HTR1F: variants seen among roughly 807,000 people sequenced by gnomAD.
HTR1F encodes 5-hydroxytryptamine receptor 1F, also known as 5-hydroxytryptamine (serotonin) receptor 1F, G protein-coupled.
A neutral mutation model predicts 24.0 loss-of-function variants in HTR1F; 17 were observed. The observed-to-expected ratio is 0.71, with a 90% CI of 0.48 to 1.06. HTR1F has a LOEUF of 1.06. Ranked by LOEUF, HTR1F falls within the 50% of genes least tolerant of loss-of-function variation. The pLI, the probability that HTR1F is intolerant of heterozygous loss-of-function variation, is 0.00. For missense variants in HTR1F, 391 were observed against 427.8 expected (o/e 0.91, Z 0.76); for synonymous variants, 186 against 156.8 (o/e 1.19, Z -1.39).
rs55918511 is a variant in HTR1F at position 87,931,793 on chromosome 3, G to T, written c.-42-58915G>T. Among the ~76,000 whole-genome samples the T allele has an allele frequency of 4.2e-3, 626 of 149,178 alleles. 2 individuals are homozygous for T. The highest frequency in any genetic ancestry group is 0.015 in the African/African-American group (598 of 39,762). ...TGGTTTTGATTTGCATTTCTCTGATGGCCAGTGATGGTGAGCATTTCTTCA... is the reference window on the plus strand; with the variant it reads ...TGGTTTTGATTTGCATTTCTCTGATTGCCAGTGATGGTGAGCATTTCTTCA... On this transcript the variant is annotated intron_variant, in intron 2 of 2. Coordinates refer to ENST00000319595, the MANE Select transcript of HTR1F (RefSeq NM_001322209.2).
chr3:87,836,900 C>A (rs967476616), intron 2 of HTR1F, among the ~76,000 whole-genome samples: 1 of 144,964 alleles, frequency 6.9e-6, no homozygotes, highest in Non-Finnish European at 1.5e-5. Context: ...TTAATTATAA[C>A]TTTTATCTTT....
intron 2 of HTR1F, among the ~76,000 whole-genome samples, chr3:87,863,720 T>G (rs1705365911): frequency 6.6e-6 from 1 of 152,200 alleles, no homozygotes; most frequent in South Asian, 2.1e-4. Context: ...CCAAGGCCAC[T>G]TCTACACTTT....
chr3:87,885,764 C>T (rs892695237), intron 2 of HTR1F, among the ~76,000 whole-genome samples: 5 of 152,190 alleles, frequency 3.3e-5, no homozygotes, highest in African/African-American at 9.7e-5. Context: ...TTCCTGGACA[C>T]ATACACCCTC....
chr3:87,900,864 C>T lies in HTR1F; in HGVS notation c.-43+78740C>T, dbSNP rs187803256. Among the ~76,000 whole-genome samples the T allele has an allele frequency of 2.6e-5, 4 of 152,108 alleles. No individual in the cohort carries two copies. The East Asian group carries it at 5.8e-4, about 22-fold the overall frequency. ...TTTTGGACATGTTACATTTGAGATG[C>T]GTATTAGACATCCATGCAGAAATTT... On this transcript the variant is annotated intron_variant, in intron 2 of 2. Coordinates refer to ENST00000319595, the MANE Select transcript of HTR1F (RefSeq NM_001322209.2).
At chr3:87,974,176 C>T (rs1333973476) in intron 2 of HTR1F, among the ~76,000 whole-genome samples, 3 of 152,192 alleles carry the variant, frequency 2.0e-5, no homozygotes, top group African/African-American at 7.2e-5. Context: ...TCATTGTTGC[C>T]AACGGGCAAC....
chr3:87,905,338 A>C (rs908679878), intron 2 of HTR1F, among the ~76,000 whole-genome samples: 1 of 151,954 alleles, frequency 6.6e-6, no homozygotes, highest in Non-Finnish European at 1.5e-5. Context: ...GTTTGTGTAA[A>C]AAAAAAACAC....
At chr3:87,833,711 C>T (rs956531220) in intron 2 of HTR1F, among the ~76,000 whole-genome samples, 1 of 152,104 alleles carries the variant, frequency 6.6e-6, no homozygotes, top group Non-Finnish European at 1.5e-5. Flanking sequence ...GTCTCAAACT[C>T]CTGGCCTCAA....
intron 2 of HTR1F, among the ~76,000 whole-genome samples, chr3:87,925,831 G>A (rs1704112782): frequency 6.6e-6 from 1 of 152,110 alleles, no homozygotes; most frequent in East Asian, 1.9e-4. Context: ...ATCTTGGCTT[G>A]GTGCTTTACT....
chr3:87,859,330 T>C (rs533638421), intron 2 of HTR1F, among the ~76,000 whole-genome samples: 14 of 152,340 alleles, frequency 9.2e-5, no homozygotes, highest in African/African-American at 3.4e-4. Context: ...TACTACTAAA[T>C]TGTCCTGACT....
In HTR1F at chr3:87,813,405, T is replaced by A. The variant is rs146459121; in HGVS notation, c.-159-8603T>A. On this transcript the variant is annotated intron_variant, in intron 1 of 2. Coordinates refer to ENST00000319595, the MANE Select transcript of HTR1F (RefSeq NM_001322209.2). The stretch of plus-strand genomic sequence containing the variant: ...TGGGAGCATTTATCCAATGCCTGTA[T>A]CCCCATTATATCTTGAAAGTAACTA... 3.9e-3 allele frequency among the ~76,000 whole-genome samples: 587 copies of A among 152,346 alleles called. 6 individuals carry two copies. The highest frequency in any genetic ancestry group is 0.014 in the African/African-American group (565 of 41,576).
chr3:87,840,942 G>A (rs746183435), intron 2 of HTR1F, among the ~76,000 whole-genome samples: 9 of 151,850 alleles, frequency 5.9e-5, no homozygotes, highest in African/African-American at 9.7e-5. Context: ...GAGTGTGGAC[G>A]GGAAAAGGGG....
At chr3:87,812,650 T>C (rs1253707263) in intron 1 of HTR1F, among the ~76,000 whole-genome samples, 1 of 152,096 alleles carries the variant, frequency 6.6e-6, no homozygotes, top group Non-Finnish European at 1.5e-5. Context: ...ATGGGGAAAA[T>C]ATCTCCATGT....
chr3:87,956,478 A>G (rs1363149132), intron 2 of HTR1F, among the ~76,000 whole-genome samples: 1 of 151,510 alleles, frequency 6.6e-6, no homozygotes, highest in Admixed American at 6.6e-5. Context: ...TTCTTAAAAT[A>G]TGTTTACCTT....
chr3:87,892,838 T>C (rs1480619243), intron 2 of HTR1F, among the ~76,000 whole-genome samples: 1 of 152,156 alleles, frequency 6.6e-6, no homozygotes, highest in African/African-American at 2.4e-5. Flanking sequence ...AATATTTGTA[T>C]GATGTAGCTA....
intron 2 of HTR1F, among the ~76,000 whole-genome samples, chr3:87,979,922 G>A (rs554070799): frequency 1.3e-5 from 2 of 152,322 alleles, no homozygotes; most frequent in South Asian, 2.1e-4. Context: ...GAATGCAGTA[G>A]CACCTGGAAG....
intron 2 of HTR1F, among the ~76,000 whole-genome samples, chr3:87,901,361 C>G (rs184871138): frequency 6.6e-6 from 1 of 152,102 alleles, no homozygotes; most frequent in Admixed American, 6.6e-5. Context: ...GACACCAACA[C>G]AGAGAAGAAA....
intron 2 of HTR1F, among the ~76,000 whole-genome samples, chr3:87,849,137 C>T (rs537079692): frequency 6.6e-6 from 1 of 151,562 alleles, no homozygotes; most frequent in Non-Finnish European, 1.5e-5. Flanking sequence ...CAAAAAAGAG[C>T]CCGCATTGCC....
chr3:87,881,601 C>G (rs943472357), intron 2 of HTR1F, among the ~76,000 whole-genome samples: 4 of 152,258 alleles, frequency 2.6e-5, no homozygotes, highest in South Asian at 2.1e-4. Context: ...GAAAAACAAG[C>G]AATGGGGAAA....
At chr3:87,886,674 C>G (rs1705953742) in intron 2 of HTR1F, among the ~76,000 whole-genome samples, 1 of 152,144 alleles carries the variant, frequency 6.6e-6, no homozygotes, top group South Asian at 2.1e-4. Flanking sequence ...GCAAAAATCA[C>G]AAGCATTCGT....
Sources: allele counts gnomAD v4.1 joint callset (sites outside exome capture counted in the v4.1 genomes callset), GRCh38; gene constraint gnomAD v4.1.1; transcripts MANE v1.5; gene names NCBI Gene and HGNC (gene_info 2026-07-23, HGNC 2026-07-21).